PCSK2: variants seen among roughly 807,000 people sequenced by gnomAD.
PCSK2 encodes the protein neuroendocrine convertase 2.
Under a neutral mutation model 69.7 loss-of-function variants are expected in PCSK2, and 14 were observed. That is an observed-to-expected ratio of 0.20 (90% CI 0.13 to 0.31). PCSK2 has a LOEUF of 0.31. Ranked by LOEUF, PCSK2 falls within the 10% of genes least tolerant of loss-of-function variation. The pLI is 1.00. For synonymous variants in PCSK2, 307 were observed against 320.7 expected (o/e 0.96, Z 0.46); for missense variants, 544 against 842.5 (o/e 0.65, Z 4.39).
intron 1 of PCSK2, among the ~76,000 whole-genome samples, chr20:17,228,814 G>C (rs551993827): frequency 7.1e-4 from 108 of 152,348 alleles, no homozygotes; most frequent in African/African-American, 2.5e-3. Context: ...AGGGTCTGGC[G>C]ACGAGTTTGA....
intron 4 of PCSK2, among the ~76,000 whole-genome samples, chr20:17,364,822 G>C (rs749711952): frequency 1.3e-5 from 2 of 152,188 alleles, no homozygotes; most frequent in African/African-American, 2.4e-5. Context: ...TAGCTGGGCT[G>C]CAGTCTTCTG....
intron 5 of PCSK2, among the ~76,000 whole-genome samples, chr20:17,398,361 C>T (rs930682658): frequency 2.6e-5 from 4 of 151,764 alleles, no homozygotes; most frequent in African/African-American, 9.7e-5. Flanking sequence ...TCTGTCTTTA[C>T]AATTTTTTTT....
chr20:17,258,710 G>A (rs2122994164), intron 1 of PCSK2, among the ~76,000 whole-genome samples: 1 of 152,080 alleles, frequency 6.6e-6, no homozygotes, highest in Non-Finnish European at 1.5e-5. Context: ...GTAAGTGAAA[G>A]TCTGTGATAG....
At chr20:17,361,177 G>A (rs140359446) in intron 4 of PCSK2, among the ~76,000 whole-genome samples, 36 of 152,266 alleles carry the variant, frequency 2.4e-4, no homozygotes, top group East Asian at 7.7e-4. Context: ...TTACATTAGC[G>A]TGACTCTACA....
intron 11 of PCSK2, among the ~76,000 whole-genome samples, chr20:17,476,341 A>C (rs2033288844): frequency 6.6e-6 from 1 of 152,228 alleles, no homozygotes; most frequent in Non-Finnish European, 1.5e-5. Context: ...ACCAGCCACA[A>C]GTGGTTATAT....
chr20:17,269,791 T>A (rs1987788150), intron 2 of PCSK2, among the ~76,000 whole-genome samples: 1 of 152,122 alleles, frequency 6.6e-6, no homozygotes, highest in Non-Finnish European at 1.5e-5. Flanking sequence ...GGGAAGAACC[T>A]GAATTGGGCA....
At chr20:17,410,841 C>T (rs1460277061) in intron 6 of PCSK2, among the ~76,000 whole-genome samples, 1 of 152,186 alleles carries the variant, frequency 6.6e-6, no homozygotes, top group Non-Finnish European at 1.5e-5. Flanking sequence ...TGAGAAGGGC[C>T]ATGAGAGGGT....
intron 5 of PCSK2, among the ~76,000 whole-genome samples, chr20:17,409,032 T>C (rs16999113): frequency 0.013 from 1,994 of 152,284 alleles, 48 homozygotes; most frequent in African/African-American, 0.046. Flanking sequence ...TGCTAACCCC[T>C]TGAAGGCTTG....
At chr20:17,382,210 T>G (rs1031293817) in intron 5 of PCSK2, among the ~76,000 whole-genome samples, 4 of 152,222 alleles carry the variant, frequency 2.6e-5, no homozygotes, top group Non-Finnish European at 1.5e-5. Context: ...TCTCCATTGA[T>G]TTCTGTGGAA....
At position 17,369,297 on chromosome 20, in the gene PCSK2, G is replaced by T; in HGVS notation, c.543+20G>T. Reference sequence around the variant, plus strand: ...AACTATGTAAGTACAAGCCAACTTTGGTGGGGAAACAGATGCATCTTAAAT... The same window carrying T: ...AACTATGTAAGTACAAGCCAACTTTTGTGGGGAAACAGATGCATCTTAAAT... On this transcript the variant is annotated intron_variant, in intron 5 of 11. Transcript: ENST00000262545. 6.2e-7 allele frequency: 1 copy of T among 1,608,984 alleles called. No individual in the cohort carries two copies. Among genetic ancestry groups the T allele is most frequent in the Non-Finnish European group, 8.5e-7 (1 of 1,175,390 alleles).
At chr20:17,394,359 T>C (rs2031459667) in intron 5 of PCSK2, among the ~76,000 whole-genome samples, 1 of 152,176 alleles carries the variant, frequency 6.6e-6, no homozygotes, top group Admixed American at 6.5e-5. Flanking sequence ...TGCATATCCT[T>C]GAACCACTTG....
intron 4 of PCSK2, among the ~76,000 whole-genome samples, chr20:17,367,795 A>C (rs1254556935): frequency 6.6e-6 from 1 of 152,200 alleles, no homozygotes; most frequent in Non-Finnish European, 1.5e-5. Flanking sequence ...ACCATGCCTG[A>C]CCAAAATTGA....
chr20:17,383,767 G>A (rs2031154510), intron 5 of PCSK2, among the ~76,000 whole-genome samples: 1 of 152,174 alleles, frequency 6.6e-6, no homozygotes, highest in African/African-American at 2.4e-5. Flanking sequence ...CTATTCACAA[G>A]TCTCTCTTGA....
intron 1 of PCSK2, among the ~76,000 whole-genome samples, chr20:17,232,906 G>A (rs910624823): frequency 6.6e-6 from 1 of 152,296 alleles, no homozygotes. Context: ...CAGTAGCTAA[G>A]GGAAAATAGC....
intron 6 of PCSK2, among the ~76,000 whole-genome samples, chr20:17,411,804 G>C (rs544249263): frequency 6.6e-6 from 1 of 152,328 alleles, no homozygotes; most frequent in Admixed American, 6.5e-5. Flanking sequence ...GCCCCTCTAG[G>C]ACAAAGCTTC....
In PCSK2 at chr20:17,369,226, T is replaced by C; in HGVS notation, c.506-14T>C. On this transcript the variant is annotated splice_polypyrimidine_tract_variant and intron_variant, in intron 4 of 11. Transcript: ENST00000262545. The stretch of plus-strand genomic sequence containing the variant: ...TTAACCTTTGGTTCCTGTGTTATTG[T>C]TGTCTTTTCACAGGGATTGACTATC... 1.9e-6 allele frequency: 3 copies of C among 1,612,738 alleles called. No homozygotes were observed. The highest frequency in any genetic ancestry group is 2.5e-6 in the Non-Finnish European group (3 of 1,178,992).
At chr20:17,268,034 T>TAC in intron 2 of PCSK2, among the ~76,000 whole-genome samples, 1 of 5,556 alleles carries the variant, frequency 1.8e-4, no homozygotes, top group African/African-American at 4.2e-4. Flanking sequence ...ATCCAATGTG[T>TAC]ATATATATAT....
intron 6 of PCSK2, among the ~76,000 whole-genome samples, chr20:17,415,188 C>T (rs143452246): frequency 0.012 from 1,843 of 152,176 alleles, 17 homozygotes; most frequent in Middle Eastern, 0.027. Flanking sequence ...CTGGCCAGGG[C>T]AATCAGGCAA....
In PCSK2 at chr20:17,483,255, GCC is replaced by G. The variant is rs2033442060; in HGVS notation, c.*1186_*1187del. On this transcript the variant is annotated 3_prime_UTR_variant, in exon 12 of 12. Transcript: ENST00000262545. ...ATGGAGCCTCTTCTGCCAAGAGAGG[GCC>G]ATGCAATTCATCCCAGAGGAACCTG... 1 of 152,122 alleles carries G rather than the reference GCC, an allele frequency of 6.6e-6. No individual in the cohort carries two copies. Among genetic ancestry groups the G allele is most frequent in the African/African-American group, 2.4e-5 (1 of 41,408 alleles). 9.4% of individuals were successfully genotyped at this position (152,122 alleles called of 1,614,324 possible).
Sources: allele counts gnomAD v4.1 joint callset (sites outside exome capture counted in the v4.1 genomes callset), GRCh38; gene constraint gnomAD v4.1.1; transcripts MANE v1.5; gene names NCBI Gene and HGNC (gene_info 2026-07-23, HGNC 2026-07-21).